The following ECT2L variants were observed in gnomAD, a reference collection of about 807,000 sequenced individuals.
ECT2L encodes epithelial cell-transforming sequence 2 oncogene-like.
ECT2L carries 126 observed loss-of-function variants against 122.8 expected under a neutral mutation model. That is an observed-to-expected ratio of 1.03 (90% CI 0.89 to 1.19). ECT2L has a LOEUF of 1.19. ECT2L is among the 50% of genes most tolerant of loss of function. ECT2L has a pLI of 0.00. For missense variants in ECT2L, 1,012 were observed against 1,064.1 expected (o/e 0.95, Z 0.68); for synonymous variants, 385 against 381.8 (o/e 1.01, Z -0.10).
chr6:138,809,981 G>A (rs9376370), intron 1 of ECT2L, among the ~76,000 whole-genome samples: 40,926 of 152,026 alleles, frequency 0.27, 6,648 homozygotes, highest in African/African-American at 0.44. Context: ...CAGTGGGAAA[G>A]GTTGTAAAAC....
intron 4 of ECT2L, among the ~76,000 whole-genome samples, chr6:138,818,419 T>A (rs1208685137): frequency 4.6e-5 from 7 of 152,174 alleles, no homozygotes; most frequent in African/African-American, 1.7e-4. Flanking sequence ...TCAGCTGTGA[T>A]CTGTGAGGCA....
At chr6:138,822,676 C>T (rs1289671998) in intron 4 of ECT2L, 23 of 1,367,326 alleles carry the variant, frequency 1.7e-5, no homozygotes, top group Middle Eastern at 1.8e-4. Context: ...GGAACAGCTC[C>T]GGTCTACAGC....
intron 9 of ECT2L, among the ~76,000 whole-genome samples, chr6:138,850,454 T>C (rs973363450): frequency 2.0e-5 from 3 of 152,198 alleles, no homozygotes; most frequent in African/African-American, 7.2e-5. Flanking sequence ...TGTGACTGGC[T>C]TATGTCACTT....
At chr6:138,797,825 A>G (rs1271136100) in intron 1 of ECT2L, among the ~76,000 whole-genome samples, 1 of 152,058 alleles carries the variant, frequency 6.6e-6, no homozygotes, top group Non-Finnish European at 1.5e-5. Flanking sequence ...TTAGTGTCAG[A>G]TCCCATACGT....
intron 7 of ECT2L, 97 bp from the exon 8 acceptor site, chr6:138,846,442 T>C (rs9399258): frequency 0.53 from 636,323 of 1,205,822 alleles, 171,625 homozygotes; most frequent in Middle Eastern, 0.62. Context: ...ACGTGCCTTG[T>C]AGAGTAGAGC....
intron 9 of ECT2L, among the ~76,000 whole-genome samples, chr6:138,851,826 AG>A (rs2128394428): frequency 6.6e-6 from 1 of 152,372 alleles, no homozygotes; most frequent in African/African-American, 2.4e-5. Context: ...ATTTGATGAA[AG>A]TGCAGCAATT....
intron 20 of ECT2L, among the ~76,000 whole-genome samples, chr6:138,892,776 A>G (rs1451624815): frequency 1.3e-5 from 2 of 152,206 alleles, no homozygotes; most frequent in Non-Finnish European, 2.9e-5. Context: ...TAAAGGAGTG[A>G]GCCACCATGC....
rs764292049 is a variant in ECT2L at position 138,814,526 on chromosome 6, G to A, written c.102G>A (p.Trp34Ter). Residue 34 changes from tryptophan (W) to a stop codon, truncating the protein, a stop_gained, in exon 4 of 22, where the codon TGG becomes TGA. Transcript: ENST00000541398. LOFTEE classifies it high-confidence loss of function. ...AAAGAGTGGCTCTTATAAGTCATTG[G>A]TTTGACCTCTGGACTAACAAGCAAC... ...FQERVALISH[W>*]FDLWTNKQRQ... The A allele has an allele frequency of 3.6e-5, 58 of 1,611,574 alleles. No individual in the cohort carries two copies. The Admixed American group carries it at 9.5e-4, about 26-fold the overall frequency.
At chr6:138,807,115 A>ATT (rs199510917) in intron 1 of ECT2L, among the ~76,000 whole-genome samples, 100 of 144,962 alleles carry the variant, frequency 6.9e-4, no homozygotes, top group Middle Eastern at 3.5e-3. Context: ...TCCCAGGGGT[A>ATT]TTTTTTTTTT....
rs1393240052 is a variant in ECT2L at position 138,868,104 on chromosome 6, G to A, written c.1476G>A (p.Gly492=). 3 of 1,603,404 alleles carry A rather than the reference G, an allele frequency of 1.9e-6. No individual in the cohort carries two copies. The highest frequency in any genetic ancestry group is 1.3e-5 in the African/African-American group (1 of 74,530). Reference sequence around the variant, plus strand: ...GGGCATGTGGCCTTGTATTTACAGGGCAGTTTATGTTTGACACCATGGGTA... The same window carrying A: ...GGGCATGTGGCCTTGTATTTACAGGACAGTTTATGTTTGACACCATGGGTA... ...LQKSISGRMI[G]QFMFDTMGMT... Residue 492 remains glycine (G), a splice_region_variant and synonymous_variant, in exon 13 of 22, where the codon GGG becomes GGA. Coordinates refer to ENST00000541398, the MANE Select transcript of ECT2L (RefSeq NM_001077706.3).
chr6:138,813,907 G>A (rs908151459), intron 3 of ECT2L, among the ~76,000 whole-genome samples: 11 of 152,152 alleles, frequency 7.2e-5, no homozygotes, highest in African/African-American at 2.4e-4. Flanking sequence ...TAATAACAGT[G>A]AGTTTGTTAT....
intron 1 of ECT2L, among the ~76,000 whole-genome samples, chr6:138,809,268 A>G (rs1775812844): frequency 6.6e-6 from 1 of 152,190 alleles, no homozygotes; most frequent in Non-Finnish European, 1.5e-5. Flanking sequence ...AGGTTTATCA[A>G]AAACACTTGT....
intron 1 of ECT2L, among the ~76,000 whole-genome samples, chr6:138,801,555 C>T (rs553137160): frequency 1.3e-5 from 2 of 152,222 alleles, no homozygotes; most frequent in African/African-American, 4.8e-5. Flanking sequence ...AGTCCGAGAC[C>T]AGTCTGGCCA....
chr6:138,862,550 G>T, intron 10 of ECT2L, 77 bp from the exon 11 acceptor site: 1 of 1,389,276 alleles, frequency 7.2e-7, no homozygotes, highest in South Asian at 1.2e-5. Flanking sequence ...GATTTGGAGG[G>T]AACAAATATC....
chr6:138,846,696 C>G lies in ECT2L; in HGVS notation c.903+19C>G. ...GTATGAGGTAGAGTATGTTATGAGG[C>G]CAGTCCTGTCCTGATTGTTTTTTTG... On this transcript the variant is annotated intron_variant, in intron 8 of 21. Transcript: ENST00000541398. The G allele has an allele frequency of 6.8e-7, 1 of 1,469,482 alleles. No homozygotes were observed. The highest frequency in any genetic ancestry group is 9.0e-7 in the Non-Finnish European group (1 of 1,105,162). The allele number at this position is 1,469,482 out of a possible 1,614,324, so 91.0% of individuals were successfully genotyped here.
intron 5 of ECT2L, among the ~76,000 whole-genome samples, chr6:138,841,963 T>C (rs563277739): frequency 1.3e-5 from 2 of 152,242 alleles, no homozygotes; most frequent in Non-Finnish European, 2.9e-5. Context: ...ACTATTCCAC[T>C]ATTGCTAGAA....
At position 138,838,438 on chromosome 6, in the gene ECT2L, TC is replaced by T. The variant is rs1776921241; in HGVS notation, c.267del (p.Ser91ProfsTer3). 5.0e-6 allele frequency: 8 copies of T among 1,614,114 alleles called. No individual in the cohort carries two copies. The African/African-American group carries it at 6.7e-5, about 13-fold the overall frequency. On this transcript the variant is annotated frameshift_variant, in exon 5 of 22. Transcript: ENST00000541398. LOFTEE classifies it high-confidence loss of function. ...TTACCACGCTTCATTTCTCTATATATCTTTTCCTTTTTGAGTCCGAAAGATT... is the reference window on the plus strand; with the variant it reads ...TTACCACGCTTCATTTCTCTATATATTTTTCCTTTTTGAGTCCGAAAGATT... The part of the protein sequence containing the change: ...TVLPRFISLY[I>X]FSFLSPKDLC...
rs1259755369 is a variant in ECT2L, at chr6:138,876,454, T to C, written c.1579-18T>C. ...TCAAGACCTGCCTCCAATAACCAAG[T>C]TTCCATTCAATCTTCAGGAAAGAAA... On this transcript the variant is annotated intron_variant, in intron 13 of 21. Coordinates refer to ENST00000541398, the MANE Select transcript of ECT2L (RefSeq NM_001077706.3). 3.0e-5 allele frequency: 47 copies of C among 1,587,290 alleles called. No individual in the cohort carries two copies. The highest frequency in any genetic ancestry group is 4.0e-5 in the Non-Finnish European group (46 of 1,156,688).
chr6:138,873,380 A>AT (rs113035371), intron 13 of ECT2L, among the ~76,000 whole-genome samples: 2,256 of 152,364 alleles, frequency 0.015, 50 homozygotes, highest in African/African-American at 0.052. Flanking sequence ...TTGCATTAGG[A>AT]TAAAAATAGA....
Sources: allele counts gnomAD v4.1 joint callset (sites outside exome capture counted in the v4.1 genomes callset), GRCh38; gene constraint gnomAD v4.1.1; transcripts MANE v1.5; gene names NCBI Gene and HGNC (gene_info 2026-07-23, HGNC 2026-07-21).